SORBS2: variants seen among roughly 807,000 people sequenced by gnomAD.
The protein encoded by SORBS2 is sorbin and SH3 domain-containing protein 2.
Under a neutral mutation model 97.7 loss-of-function variants are expected in SORBS2, and 46 were observed. The observed-to-expected ratio is 0.47, with a 90% CI of 0.37 to 0.60. SORBS2 has a LOEUF of 0.60. Ranked by LOEUF, SORBS2 falls within the 20% of genes least tolerant of loss-of-function variation. SORBS2 has a pLI of 0.00. For synonymous variants in SORBS2, 476 were observed against 473.4 expected, an observed-to-expected ratio of 1.01 and a Z score of -0.07; for missense variants, 1,316 against 1,282.3, an observed-to-expected ratio of 1.03 and a Z score of -0.40.
intron 1 of SORBS2, among the ~76,000 whole-genome samples, chr4:185,776,944 T>C (rs1243436194): frequency 6.6e-6 from 1 of 150,586 alleles, no homozygotes; most frequent in Non-Finnish European, 1.5e-5. Context: ...ATAATTAATG[T>C]GAGGGTTGGT....
intron 1 of SORBS2, among the ~76,000 whole-genome samples, chr4:185,793,366 T>G (rs565620477): frequency 6.6e-6 from 1 of 152,346 alleles, no homozygotes; most frequent in Non-Finnish European, 1.5e-5. Flanking sequence ...TCATCATTTT[T>G]GCCGTGAATA....
chr4:185,730,952 T>C (rs568601494), intron 2 of SORBS2, among the ~76,000 whole-genome samples: 5 of 152,246 alleles, frequency 3.3e-5, no homozygotes, highest in Non-Finnish European at 5.9e-5. Flanking sequence ...AAACCAATGG[T>C]ATCTATTTGA....
At chr4:185,796,327 G>A (rs944659856) in intron 1 of SORBS2, among the ~76,000 whole-genome samples, 1 of 152,174 alleles carries the variant, frequency 6.6e-6, no homozygotes, top group Non-Finnish European at 1.5e-5. Context: ...CAGTTGCCCT[G>A]CCATCTGGCT....
chr4:185,779,545 C>T (rs28525419), intron 1 of SORBS2, among the ~76,000 whole-genome samples: 50,517 of 152,092 alleles, frequency 0.33, 10,328 homozygotes, highest in East Asian at 0.62. Context: ...GAGGGTTTCT[C>T]TGAGTGTTGT....
chr4:185,614,159 G>GT (rs34929054), intron 11 of SORBS2, among the ~76,000 whole-genome samples: 7,815 of 91,468 alleles, frequency 0.085, 561 homozygotes, highest in East Asian at 0.31. Context: ...GTTTTTTTGT[G>GT]TTTTTTTTTT....
chr4:185,923,305 A>C (rs965442862), intron 1 of SORBS2, among the ~76,000 whole-genome samples: 1 of 151,884 alleles, frequency 6.6e-6, no homozygotes, highest in Non-Finnish European at 1.5e-5. Context: ...TATAATACTT[A>C]AAAAGAATTA....
chr4:185,667,010 T>A (rs1402238987), intron 4 of SORBS2, among the ~76,000 whole-genome samples: 2 of 152,222 alleles, frequency 1.3e-5, no homozygotes, highest in African/African-American at 2.4e-5. Flanking sequence ...AGAGAGAAGA[T>A]GACCATTTGA....
chr4:185,633,449 G>T (rs1262610863), intron 4 of SORBS2, among the ~76,000 whole-genome samples: 1 of 150,956 alleles, frequency 6.6e-6, no homozygotes, highest in Non-Finnish European at 1.5e-5. Context: ...ATCAACTACT[G>T]GCAAAGTGCT....
intron 2 of SORBS2, chr4:185,651,810 T>C (rs1371352771): frequency 1.3e-6 from 2 of 1,498,776 alleles, no homozygotes; most frequent in Non-Finnish European, 1.9e-6. Flanking sequence ...AGGAGTATTA[T>C]ACATGTCTGT....
At chr4:185,868,521 G>T (rs779079267) in intron 1 of SORBS2, among the ~76,000 whole-genome samples, 3 of 152,172 alleles carry the variant, frequency 2.0e-5, no homozygotes, top group East Asian at 1.9e-4. Flanking sequence ...ATTAGTGCTA[G>T]GTTGAGGGGC....
intron 4 of SORBS2, among the ~76,000 whole-genome samples, chr4:185,667,508 C>A (rs2097631462): frequency 1.3e-5 from 2 of 151,920 alleles, no homozygotes; most frequent in Non-Finnish European, 2.9e-5. Context: ...TGGGGAAATG[C>A]ACAAATTCAT....
At chr4:185,844,257 A>G (rs1418686798) in intron 1 of SORBS2, among the ~76,000 whole-genome samples, 1 of 152,222 alleles carries the variant, frequency 6.6e-6, no homozygotes, top group East Asian at 1.9e-4. Context: ...TAAAGCTAAC[A>G]ACAGAAAGAC....
chr4:185,929,530 GTT>G (rs367695815), intron 1 of SORBS2, among the ~76,000 whole-genome samples: 61 of 135,090 alleles, frequency 4.5e-4, no homozygotes, highest in East Asian at 1.9e-3. Context: ...TTTTTGTTGG[GTT>G]TTTTTTTTTT....
chr4:185,766,703 T>G (rs1417506202), intron 2 of SORBS2, among the ~76,000 whole-genome samples: 1 of 152,206 alleles, frequency 6.6e-6, no homozygotes, highest in Non-Finnish European at 1.5e-5. Context: ...AATCGAATTT[T>G]TTAGGTTTGC....
Position 185,618,634 on chromosome 4 carries a change from G to GA in SORBS2, c.2305-4dup, listed in dbSNP as rs1205494319. On this transcript the variant is annotated splice_polypyrimidine_tract_variant and splice_region_variant and intron_variant, in intron 8 of 14. Transcript: ENST00000418609. ...TAAACAGCTTTTGCAGGCAATTTCT[G>GA]AAAAGGAAGATAAACAATTAGCACT... 6 of 1,531,738 alleles carry GA rather than the reference G, an allele frequency of 3.9e-6. No homozygotes were observed. The highest frequency in any genetic ancestry group is 5.3e-6 in the Non-Finnish European group (6 of 1,124,982). 94.9% of individuals were successfully genotyped at this position (1,531,738 alleles called of 1,614,324 possible).
rs534727398 is a variant in SORBS2 at position 185,795,581 on chromosome 4, A to G, written c.-337-20215T>C. 9.8e-5 allele frequency among the ~76,000 whole-genome samples: 15 copies of G among 152,342 alleles called. No homozygotes were observed. The South Asian group carries it at 2.9e-3, about 29-fold the overall frequency. On this transcript the variant is annotated intron_variant, in intron 1 of 20. Transcript: ENST00000284776. ...CAAGATGCGAAAAAAAAGAATGTCA[A>G]GGAAATCATTACTATTTTTTATACT... is the stretch of plus-strand genomic sequence containing the variant.
At chr4:185,803,390 C>T (rs1026995626) in intron 1 of SORBS2, among the ~76,000 whole-genome samples, 6 of 152,064 alleles carry the variant, frequency 3.9e-5, no homozygotes, top group East Asian at 1.9e-4. Flanking sequence ...GCTTAGGGTT[C>T]GAAATCATTA....
rs1053912872 is a variant in SORBS2 at position 185,825,230 on chromosome 4, CTGAG to C, written c.-337-49868_-337-49865del. Among the ~76,000 whole-genome samples the C allele has an allele frequency of 9.3e-5, 14 of 150,226 alleles. No individual in the cohort carries two copies. In the East Asian group the frequency reaches 1.5e-3, roughly 17 times the overall value. On this transcript the variant is annotated intron_variant, in intron 1 of 20. Transcript: ENST00000284776. ...GTTTTTTGTTTTTTTTTTTACTGTA[CTGAG>C]TATCATTTATAATTTCAAAACAGTG...
chr4:185,586,748 T>A (rs566677636), exon 15 of SORBS2: 4 of 152,716 alleles, frequency 2.6e-5, no homozygotes, highest in East Asian at 1.9e-4. Context: ...CACCTCTCAC[T>A]AACACTGCTT....
Sources: allele counts gnomAD v4.1 joint callset (sites outside exome capture counted in the v4.1 genomes callset), GRCh38; gene constraint gnomAD v4.1.1; transcripts MANE v1.5; gene names NCBI Gene and HGNC (gene_info 2026-07-23, HGNC 2026-07-21).